The following EAF2 variants were observed in gnomAD, a reference collection of about 807,000 sequenced individuals.
The protein encoded by EAF2 is ELL-associated factor 2.
A neutral mutation model predicts 29.4 loss-of-function variants in EAF2; 29 were observed. The ratio of observed to expected loss-of-function variants is 0.99; its 90% CI spans 0.73 to 1.35. The LOEUF (loss-of-function observed/expected upper bound fraction) is 1.35. EAF2 is among the 40% of genes most tolerant of loss of function. The probability of loss-of-function intolerance (pLI) is 0.00; values close to 1 mark genes in which losing one functional copy is unlikely to be tolerated. For synonymous variants in EAF2, 103 were observed against 102.5 expected, an observed-to-expected ratio of 1.00 and a Z score of -0.03; for missense variants, 292 against 312.0, an observed-to-expected ratio of 0.94 and a Z score of 0.48.
chr3:121,845,459 A>AAAAAAAAAAAAG (rs71133578), intron 2 of EAF2, among the ~76,000 whole-genome samples: 51 of 96,612 alleles, frequency 5.3e-4, no homozygotes, highest in Non-Finnish European at 6.0e-4. Context: ...AAAAAAAAAA[A>AAAAAAAAAAAAG]AAAGAAAGAA....
At chr3:121,840,488 TAAAAAAAA>T (rs1221757062) in intron 1 of EAF2, among the ~76,000 whole-genome samples, 7 of 35,012 alleles carry the variant, frequency 2.0e-4, no homozygotes, top group South Asian at 1.9e-3. Context: ...AGACTTCGTC[TAAAAAAAA>T]AAAAAAAAAA....
intron 4 of EAF2, among the ~76,000 whole-genome samples, chr3:121,857,847 G>A (rs1012236533): frequency 4.0e-5 from 6 of 151,812 alleles, no homozygotes; most frequent in Non-Finnish European, 5.9e-5. Flanking sequence ...GACAGGCCCC[G>A]GTGTGTGATG....
rs375955486 is a variant in EAF2, at chr3:121,872,682, G to A, written c.630G>A (p.Gly210=). 3.1e-6 allele frequency: 5 copies of A among 1,612,760 alleles called. No individual in the cohort carries two copies. Among genetic ancestry groups the A allele is most frequent in the African/African-American group, 1.3e-5 (1 of 74,816 alleles). ...EDCKSSTSDT[G]NCVSGHPTMT... ...GCAAATCCTCTACTTCTGATACAGG[G>A]AATTGTGTCTCAGGACATCCTACCA... The change falls in exon 5 of 6, where the codon GGG becomes GGA. Residue 210 remains glycine (G), a synonymous_variant. Coordinates refer to ENST00000273668, the MANE Select transcript of EAF2 (RefSeq NM_018456.6).
intron 4 of EAF2, among the ~76,000 whole-genome samples, chr3:121,871,710 G>GT (rs1240977476): frequency 6.6e-6 from 1 of 151,950 alleles, no homozygotes; most frequent in Non-Finnish European, 1.5e-5. Context: ...ATGTCAATGT[G>GT]TTAACTGAGT....
At chr3:121,869,241 A>G (rs891618067) in intron 4 of EAF2, among the ~76,000 whole-genome samples, 1 of 152,234 alleles carries the variant, frequency 6.6e-6, no homozygotes, top group Non-Finnish European at 1.5e-5. Context: ...TTATGGCACT[A>G]AATGCTTACA....
At chr3:121,860,648 G>C (rs529066285) in intron 4 of EAF2, among the ~76,000 whole-genome samples, 20 of 151,874 alleles carry the variant, frequency 1.3e-4, no homozygotes, top group Admixed American at 6.6e-4. Context: ...TTTTTTGAAG[G>C]GTTTTTTGTG....
chr3:121,842,269 A>G (rs1353005080), intron 1 of EAF2, among the ~76,000 whole-genome samples: 3 of 152,220 alleles, frequency 2.0e-5, no homozygotes, highest in African/African-American at 7.2e-5. Context: ...TAACTTATTT[A>G]TAAATAGTGA....
At chr3:121,857,178 C>G (rs763757868) in intron 4 of EAF2, 22 bp downstream of exon 4, 1 of 1,593,602 alleles carries the variant, frequency 6.3e-7, no homozygotes, top group Non-Finnish European at 8.6e-7. Context: ...GTATATGTAA[C>G]ATCCCTTTAT....
intron 4 of EAF2, among the ~76,000 whole-genome samples, chr3:121,870,086 G>A (rs1339384959): frequency 6.6e-6 from 1 of 151,806 alleles, no homozygotes; most frequent in Admixed American, 6.6e-5. Context: ...AGACCAAGAA[G>A]TCTACCAAAC....
At position 121,848,182 on chromosome 3, in the gene EAF2, G is replaced by T. The variant is rs1464207791; in HGVS notation, c.201+3635G>T. ...AAAGATGCATTTTGGACATGGAATT[G>T]TTAAGCCGCCTCTGAGCAGTGTATG... On this transcript the variant is annotated intron_variant, in intron 2 of 5. Transcript: ENST00000273668. 2.0e-5 allele frequency among the ~76,000 whole-genome samples: 3 copies of T among 152,294 alleles called. No homozygotes were observed. The South Asian group carries it at 6.2e-4, about 32-fold the overall frequency.
chr3:121,844,314 C>A, intron 1 of EAF2, 139 bp from the exon 2 acceptor site: 1 of 537,732 alleles, frequency 1.9e-6, no homozygotes. Context: ...TTTGTTTGTT[C>A]ATTTGTAATA....
At chr3:121,873,039 C>T in intron 5 of EAF2, 1 of 722,198 alleles carries the variant, frequency 1.4e-6, no homozygotes, top group Non-Finnish European at 2.5e-6. Context: ...TCTGCTCAGT[C>T]ATTAAAGTTG....
chr3:121,875,812 C>A (rs775582527), intron 5 of EAF2, among the ~76,000 whole-genome samples: 15 of 144,476 alleles, frequency 1.0e-4, no homozygotes, highest in African/African-American at 2.5e-4. Flanking sequence ...TTTTAAAAAA[C>A]CAATAAATAA....
Position 121,880,501 on chromosome 3 carries a change from A to G in EAF2, c.737-5841A>G, listed in dbSNP as rs115846666. Among the ~76,000 whole-genome samples, 575 of 149,370 alleles carry G rather than the reference A, an allele frequency of 3.8e-3. 8 individuals are homozygous for G. The highest frequency in any genetic ancestry group is 0.014 in the African/African-American group (551 of 39,268). On this transcript the variant is annotated intron_variant, in intron 5 of 5. Coordinates refer to ENST00000273668, the MANE Select transcript of EAF2 (RefSeq NM_018456.6). ...GTGTGTGTGTGTGTGTGTAGCTATT[A>G]TAAATGGGAATGCTGCTTTCTTGAT...
intron 2 of EAF2, among the ~76,000 whole-genome samples, chr3:121,845,579 A>G (rs965136312): frequency 6.6e-6 from 1 of 152,082 alleles, no homozygotes; most frequent in African/African-American, 2.4e-5. Flanking sequence ...ACTTTATCCC[A>G]TAGGTATTAA....
At chr3:121,851,265 A>G (rs1286621373) in intron 2 of EAF2, among the ~76,000 whole-genome samples, 2 of 151,450 alleles carry the variant, frequency 1.3e-5, no homozygotes, top group East Asian at 3.9e-4. Context: ...GCAGCCTCCA[A>G]CTCCTGGGCT....
chr3:121,882,666 G>T (rs1393374689), intron 5 of EAF2, among the ~76,000 whole-genome samples: 1 of 151,842 alleles, frequency 6.6e-6, no homozygotes, highest in Non-Finnish European at 1.5e-5. Flanking sequence ...AAATCCAAAA[G>T]AATCAGCAAA....
intron 2 of EAF2, among the ~76,000 whole-genome samples, 166 bp from the exon 3 acceptor site, chr3:121,854,521 T>G (rs1326958256): frequency 2.0e-5 from 3 of 152,132 alleles, no homozygotes; most frequent in African/African-American, 7.2e-5. Flanking sequence ...TATCTTCATC[T>G]GTCTTTTTTA....
intron 4 of EAF2, among the ~76,000 whole-genome samples, chr3:121,871,988 C>G (rs540704926): frequency 9.9e-5 from 15 of 151,868 alleles, no homozygotes; most frequent in African/African-American, 3.6e-4. Flanking sequence ...CATTATTATT[C>G]TTTTTATCTA....
Sources: gnomAD v4.1 joint callset for allele counts (sites outside exome capture counted in the v4.1 genomes callset) on GRCh38, gnomAD v4.1.1 for gene constraint, MANE v1.5 for transcripts, NCBI Gene and HGNC (gene_info 2026-07-23, HGNC 2026-07-21) for gene names.